The following NFKB1 variants were observed in gnomAD, a reference collection of about 807,000 sequenced individuals.
NFKB1 encodes the protein nuclear factor NF-kappa-B p105 subunit.
Under a neutral mutation model 105.1 loss-of-function variants are expected in NFKB1, and 9 were observed. The observed-to-expected ratio is 0.09, with a 90% CI of 0.05 to 0.15. The LOEUF (loss-of-function observed/expected upper bound fraction) is 0.15. Among genes scored for constraint, NFKB1 ranks in the 10% least tolerant of loss-of-function variants. NFKB1 has a pLI of 1.00. For missense variants in NFKB1, 830 were observed against 1,203.7 expected, an observed-to-expected ratio of 0.69 and a Z score of 4.59; for synonymous variants, 440 against 442.2, an observed-to-expected ratio of 1.00 and a Z score of 0.06.
chr4:102,585,512 T>C (rs1401928222), intron 11 of NFKB1, among the ~76,000 whole-genome samples: 1 of 152,154 alleles, frequency 6.6e-6, no homozygotes, highest in Non-Finnish European at 1.5e-5. Flanking sequence ...TCAACCAGCC[T>C]CAGGCGGTGG....
intron 5 of NFKB1, among the ~76,000 whole-genome samples, chr4:102,565,778 T>G (rs1185654603): frequency 1.3e-5 from 2 of 152,112 alleles, no homozygotes; most frequent in Non-Finnish European, 2.9e-5. Flanking sequence ...AGCTGTGGGC[T>G]GCTTGTACAG....
chr4:102,522,833 A>T (rs1357456870), intron 1 of NFKB1, among the ~76,000 whole-genome samples: 2 of 152,154 alleles, frequency 1.3e-5, no homozygotes, highest in Admixed American at 6.6e-5. Flanking sequence ...TATTCTAAGG[A>T]TAGGGATTTT....
intron 6 of NFKB1, among the ~76,000 whole-genome samples, chr4:102,574,487 C>T (rs1050265147): frequency 1.3e-5 from 2 of 152,044 alleles, no homozygotes; most frequent in Non-Finnish European, 2.9e-5. Flanking sequence ...TCTCTGTTTG[C>T]GGTTTCTTCC....
At chr4:102,588,096 C>T (rs766510752) in intron 11 of NFKB1, among the ~76,000 whole-genome samples, 2 of 152,026 alleles carry the variant, frequency 1.3e-5, no homozygotes, top group Non-Finnish European at 1.5e-5. Context: ...CCTACCACCC[C>T]GAGTACAAAG....
At chr4:102,591,712 C>T (rs902242192) in intron 11 of NFKB1, among the ~76,000 whole-genome samples, 4 of 152,156 alleles carry the variant, frequency 2.6e-5, no homozygotes, top group African/African-American at 7.2e-5. Context: ...GACAATACAC[C>T]TAGTCACCCA....
Position 102,567,334 on chromosome 4 carries a change from G to A in NFKB1, c.407+199G>A, listed in dbSNP as rs230496. Among the ~76,000 whole-genome samples, 89,974 of 151,864 alleles carry A rather than the reference G, an allele frequency of 0.59. 26,839 individuals carry two copies. Among genetic ancestry groups the A allele is most frequent in the Middle Eastern group, 0.71 (209 of 294 alleles). ...TGTCTGGATTTGCTTGAGACAGCCCGGTTTGCCCCTGACCTAATTGTTTAT... is the reference window on the plus strand; with the variant it reads ...TGTCTGGATTTGCTTGAGACAGCCCAGTTTGCCCCTGACCTAATTGTTTAT... On this transcript the variant is annotated intron_variant, in intron 6 of 23. Transcript: ENST00000226574.
At chr4:102,501,868 C>G (rs1472406783) in intron 1 of NFKB1, 80 bp downstream of exon 1, 1 of 152,718 alleles carries the variant, frequency 6.5e-6, no homozygotes, top group Non-Finnish European at 1.5e-5. Flanking sequence ...CGCACCCCCT[C>G]CAGCCCCACT....
Position 102,591,002 on chromosome 4 carries a change from G to A in NFKB1, c.1067-2423G>A, listed in dbSNP as rs189779583. On this transcript the variant is annotated intron_variant, in intron 11 of 23. Coordinates refer to ENST00000226574, the MANE Select transcript of NFKB1 (RefSeq NM_003998.4). ...CCTTAACTCTCTTCAATTCTATGAT[G>A]GCTTAGAGAGGTGAGGAGGCTGCAG... is the stretch of plus-strand genomic sequence containing the variant. Among the ~76,000 whole-genome samples the A allele has an allele frequency of 1.8e-3, 280 of 152,240 alleles. 4 individuals are homozygous for A. Among genetic ancestry groups the A allele is most frequent in the Admixed American group, 0.018 (277 of 15,284 alleles).
At chr4:102,516,082 G>GT (rs1740161727) in intron 1 of NFKB1, among the ~76,000 whole-genome samples, 1 of 151,382 alleles carries the variant, frequency 6.6e-6, no homozygotes, top group South Asian at 2.1e-4. Context: ...AGCTTGTACT[G>GT]TATCTAATGA....
At chr4:102,516,115 C>T (rs1394665357) in intron 1 of NFKB1, among the ~76,000 whole-genome samples, 1 of 151,978 alleles carries the variant, frequency 6.6e-6, no homozygotes, top group Non-Finnish European at 1.5e-5. Context: ...TCATGCTTAT[C>T]ATGCTTATCA....
intron 1 of NFKB1, among the ~76,000 whole-genome samples, chr4:102,505,757 A>G (rs1349306584): frequency 2.6e-5 from 4 of 152,184 alleles, no homozygotes; most frequent in Non-Finnish European, 4.4e-5. Context: ...TTAACTAAAA[A>G]TAAATAATAT....
intron 5 of NFKB1, among the ~76,000 whole-genome samples, chr4:102,564,436 T>G (rs1252864759): frequency 6.6e-6 from 1 of 152,194 alleles, no homozygotes; most frequent in Non-Finnish European, 1.5e-5. Flanking sequence ...TTCATCAGTA[T>G]TTTGGAAAGT....
At chr4:102,529,989 G>C in intron 3 of NFKB1, 75 bp downstream of exon 3, 1 of 1,075,274 alleles carries the variant, frequency 9.3e-7, no homozygotes. Context: ...TTAATAGTCT[G>C]TCCTAGAAAC....
At chr4:102,577,286 G>T (rs927338898) in intron 7 of NFKB1, among the ~76,000 whole-genome samples, 3 of 152,060 alleles carry the variant, frequency 2.0e-5, no homozygotes, top group African/African-American at 7.2e-5. Context: ...AGCCCACCTT[G>T]CATCCTCCTC....
chr4:102,590,230 A>G (rs1344379788), intron 11 of NFKB1, among the ~76,000 whole-genome samples: 4 of 152,172 alleles, frequency 2.6e-5, no homozygotes, highest in African/African-American at 7.2e-5. Flanking sequence ...CACGTAAAAG[A>G]TGAACTTCCT....
At position 102,612,116 on chromosome 4, in the gene NFKB1, T is replaced by C. The variant is rs1364852246; in HGVS notation, c.2419+6T>C. On this transcript the variant is annotated splice_donor_region_variant and intron_variant, in intron 21 of 23. Coordinates refer to ENST00000226574, the MANE Select transcript of NFKB1 (RefSeq NM_003998.4). ...TGATGATTTACTAGCACAAGGTGGGTTGTGATAAAACCAGATTCTCTTAAC... is the reference window on the plus strand; with the variant it reads ...TGATGATTTACTAGCACAAGGTGGGCTGTGATAAAACCAGATTCTCTTAAC... The C allele has an allele frequency of 1.9e-6, 3 of 1,613,038 alleles. No homozygotes were observed. Among genetic ancestry groups the C allele is most frequent in the Non-Finnish European group, 2.5e-6 (3 of 1,179,118 alleles).
chr4:102,525,680 T>C, intron 2 of NFKB1, 123 bp downstream of exon 2: 1 of 826,392 alleles, frequency 1.2e-6, no homozygotes, highest in East Asian at 2.7e-5. Flanking sequence ...TTTTTTAATT[T>C]CAGTTTCTCT....
intron 11 of NFKB1, among the ~76,000 whole-genome samples, chr4:102,588,022 T>A (rs1274395509): frequency 6.6e-6 from 1 of 152,182 alleles, no homozygotes; most frequent in Non-Finnish European, 1.5e-5. Context: ...TAATTTTATG[T>A]TCTTCATTAT....
Position 102,568,034 on chromosome 4 carries a change from G to C in NFKB1, c.407+899G>C, listed in dbSNP as rs149670581. 2.8e-3 allele frequency among the ~76,000 whole-genome samples: 431 copies of C among 152,250 alleles called. 2 individuals are homozygous for C. The highest frequency in any genetic ancestry group is 0.01 in the African/African-American group (417 of 41,564). Reference sequence around the variant, plus strand: ...GGGTTTTCTAATCCTGGTTTAAATAGTTTATGCTGAAATCCCAGTTAATCT... The same window carrying C: ...GGGTTTTCTAATCCTGGTTTAAATACTTTATGCTGAAATCCCAGTTAATCT... On this transcript the variant is annotated intron_variant, in intron 6 of 23. Transcript: ENST00000226574.
Sources: allele counts gnomAD v4.1 joint callset (sites outside exome capture counted in the v4.1 genomes callset), GRCh38; gene constraint gnomAD v4.1.1; transcripts MANE v1.5; gene names NCBI Gene and HGNC (gene_info 2026-07-23, HGNC 2026-07-21).